SEMA5A: variants seen among roughly 807,000 people sequenced by gnomAD.
The protein encoded by SEMA5A is semaphorin 5A.
SEMA5A carries 55 observed loss-of-function variants against 135.5 expected under a neutral mutation model. That is an observed-to-expected ratio of 0.41 (90% CI 0.33 to 0.51). The LOEUF is 0.51. Among genes scored for constraint, SEMA5A ranks in the 20% least tolerant of loss-of-function variants. The pLI is 0.37. For missense variants in SEMA5A, 1,290 were observed against 1,419.9 expected (o/e 0.91, Z 1.47); for synonymous variants, 580 against 546.5 (o/e 1.06, Z -0.85).
chr5:9,461,929 C>T (rs960914832), intron 1 of SEMA5A, among the ~76,000 whole-genome samples: 2 of 152,158 alleles, frequency 1.3e-5, no homozygotes, highest in African/African-American at 4.8e-5. Flanking sequence ...CCAAGTTAGC[C>T]TTTCTAGCCA....
At chr5:9,427,766 C>T (rs1230315550) in intron 2 of SEMA5A, among the ~76,000 whole-genome samples, 1 of 152,084 alleles carries the variant, frequency 6.6e-6, no homozygotes, top group Non-Finnish European at 1.5e-5. Flanking sequence ...AAGGTGCTAC[C>T]TAGGTTGTGA....
rs558448584 is a variant in SEMA5A, at chr5:9,446,523, G to A, written c.-174-8671C>T. Among the ~76,000 whole-genome samples, 3 of 152,210 alleles carry A rather than the reference G, an allele frequency of 2.0e-5. No homozygotes were observed. In the East Asian group the frequency reaches 5.8e-4, roughly 29 times the overall value. On this transcript the variant is annotated intron_variant, in intron 1 of 22. Coordinates refer to ENST00000382496, the MANE Select transcript of SEMA5A (RefSeq NM_003966.3). ...CTTTTCATGCAGGCAATTTTGAAGA[G>A]CTTGCACAACCAGTTAATTTGCAAG...
chr5:9,369,348 T>G (rs1377680125), intron 3 of SEMA5A, among the ~76,000 whole-genome samples: 1 of 152,184 alleles, frequency 6.6e-6, no homozygotes, highest in Non-Finnish European at 1.5e-5. Context: ...TGCTTTTCAT[T>G]TGAATGTGGT....
intron 2 of SEMA5A, among the ~76,000 whole-genome samples, chr5:9,381,509 C>G (rs1241792276): frequency 6.6e-6 from 1 of 152,148 alleles, no homozygotes; most frequent in Admixed American, 6.5e-5. Context: ...AAGCCCAGGA[C>G]CTAAAAGCCT....
At chr5:9,359,096 C>T (rs1427240518) in intron 3 of SEMA5A, among the ~76,000 whole-genome samples, 2 of 152,214 alleles carry the variant, frequency 1.3e-5, no homozygotes, top group Middle Eastern at 3.4e-3. Context: ...AAACCAGACA[C>T]ATACACACTC....
At chr5:9,540,090 T>TACTATATA (rs1486642969) in intron 1 of SEMA5A, among the ~76,000 whole-genome samples, 1 of 152,230 alleles carries the variant, frequency 6.6e-6, no homozygotes, top group African/African-American at 2.4e-5. Context: ...TTGCAGTCTA[T>TACTATATA]ACTATATACA....
At chr5:9,108,713 C>G (rs1004688519) in intron 15 of SEMA5A, among the ~76,000 whole-genome samples, 1 of 152,100 alleles carries the variant, frequency 6.6e-6, no homozygotes, top group Non-Finnish European at 1.5e-5. Context: ...CTTTCTCATT[C>G]TTGAATCAAA....
At chr5:9,329,270 G>T (rs1289271957) in intron 4 of SEMA5A, among the ~76,000 whole-genome samples, 1 of 152,036 alleles carries the variant, frequency 6.6e-6, no homozygotes, top group Non-Finnish European at 1.5e-5. Context: ...TTTTGTTTTG[G>T]GGCCAGAGAG....
chr5:9,457,265 T>C (rs1039243445), intron 1 of SEMA5A, among the ~76,000 whole-genome samples: 8 of 152,230 alleles, frequency 5.3e-5, no homozygotes, highest in African/African-American at 9.6e-5. Flanking sequence ...CAAAAGCTCC[T>C]CAGAGGAGTA....
In SEMA5A at chr5:9,419,780, T is replaced by G. The variant is rs77268452; in HGVS notation, c.-78+17976A>C. Among the ~76,000 whole-genome samples the G allele has an allele frequency of 3.3e-3, 507 of 152,318 alleles. 8 individuals carry two copies. The East Asian group carries it at 0.047, about 14-fold the overall frequency. On this transcript the variant is annotated intron_variant, in intron 2 of 22. Transcript: ENST00000382496. ...CATTCCATTTTTTTCTCAAGAATCA[T>G]TGTATGACAAGATATGGCAAAGCTC...
At chr5:9,375,345 T>C (rs1201733412) in intron 3 of SEMA5A, among the ~76,000 whole-genome samples, 1 of 152,048 alleles carries the variant, frequency 6.6e-6, no homozygotes, top group African/African-American at 2.4e-5. Flanking sequence ...ACATGACTTA[T>C]GTCCTTATAA....
intron 1 of SEMA5A, among the ~76,000 whole-genome samples, chr5:9,453,412 G>C (rs536503178): frequency 3.3e-5 from 5 of 152,090 alleles, no homozygotes; most frequent in Non-Finnish European, 5.9e-5. Flanking sequence ...TTGCACTCTT[G>C]TACTTTTTGT....
chr5:9,318,465 A>G (rs1752487290), intron 4 of SEMA5A, 48 bp from the exon 5 acceptor site: 1 of 1,463,798 alleles, frequency 6.8e-7, no homozygotes, highest in Non-Finnish European at 9.3e-7. Context: ...AGATCACAGA[A>G]AGTTAAGAGT....
At chr5:9,475,454 T>A (rs1235956760) in intron 1 of SEMA5A, among the ~76,000 whole-genome samples, 1 of 152,230 alleles carries the variant, frequency 6.6e-6, no homozygotes, top group East Asian at 1.9e-4. Context: ...GCTCTGTGAA[T>A]ACATTCTCTA....
chr5:9,411,485 C>G (rs951006143), intron 2 of SEMA5A, among the ~76,000 whole-genome samples: 3 of 152,064 alleles, frequency 2.0e-5, no homozygotes, highest in African/African-American at 7.2e-5. Context: ...ATACAGTGCC[C>G]AACTAGAAGA....
chr5:9,088,998 G>T (rs1289845584), intron 16 of SEMA5A, among the ~76,000 whole-genome samples: 1 of 152,076 alleles, frequency 6.6e-6, no homozygotes, highest in Admixed American at 6.6e-5. Context: ...GTAAGATTCT[G>T]TTCTCCTAAA....
intron 1 of SEMA5A, among the ~76,000 whole-genome samples, chr5:9,503,792 A>C (rs192221705): frequency 1.1e-3 from 172 of 152,336 alleles, no homozygotes; most frequent in African/African-American, 3.9e-3. Flanking sequence ...ATTAATTTTA[A>C]GTCATAGATT....
At chr5:9,378,635 G>T (rs994364656) in intron 3 of SEMA5A, among the ~76,000 whole-genome samples, 1 of 152,224 alleles carries the variant, frequency 6.6e-6, no homozygotes, top group African/African-American at 2.4e-5. Flanking sequence ...CCAGGACAAA[G>T]AACTTGGTTT....
At position 9,044,530 on chromosome 5, in the gene SEMA5A, CAGCCGAGG is replaced by C. The variant is rs774054467; in HGVS notation, c.2940_2947del (p.Ile980MetfsTer33). The C allele has an allele frequency of 6.2e-7, 1 of 1,613,966 alleles. No individual in the cohort carries two copies. Among genetic ancestry groups the C allele is most frequent in the East Asian group, 2.2e-5 (1 of 44,870 alleles). On this transcript the variant is annotated frameshift_variant, in exon 22 of 23. Transcript: ENST00000382496. LOFTEE classifies it high-confidence loss of function. ...AGTATAGACGAGCAGGGTGAGGAGGCAGCCGAGGATGGAGCTGCTCAGCCCCACGGCGA... is the reference window on the plus strand; with the variant it reads ...AGTATAGACGAGCAGGGTGAGGAGGCATGGAGCTGCTCAGCCCCACGGCGA...
Sources: allele counts gnomAD v4.1 joint callset (sites outside exome capture counted in the v4.1 genomes callset), GRCh38; gene constraint gnomAD v4.1.1; transcripts MANE v1.5; gene names NCBI Gene and HGNC (gene_info 2026-07-23, HGNC 2026-07-21).